The following SLC44A5 variants were observed in gnomAD, a reference collection of about 807,000 sequenced individuals.
The protein encoded by SLC44A5 is solute carrier family 44 member 5, also known as choline transporter-like protein 5.
SLC44A5 carries 57 observed loss-of-function variants against 101.8 expected under a neutral mutation model. The observed-to-expected ratio is 0.56, with a 90% CI of 0.45 to 0.70. SLC44A5 has a LOEUF of 0.70. Ranked by LOEUF, SLC44A5 falls within the 30% of genes least tolerant of loss-of-function variation. The pLI, the probability that SLC44A5 is intolerant of heterozygous loss-of-function variation, is 0.00. For missense variants in SLC44A5, 737 were observed against 853.1 expected, an observed-to-expected ratio of 0.86 and a Z score of 1.70; for synonymous variants, 281 against 290.9, an observed-to-expected ratio of 0.97 and a Z score of 0.35.
chr1:75,644,687 C>T, the SLC44A5 span, among the ~76,000 whole-genome samples: 12 of 151,526 alleles, frequency 7.9e-5, no homozygotes, highest in Non-Finnish European at 1.2e-4. Flanking sequence ...ATGTGCACAA[C>T]GTGCAGGTTT....
At chr1:75,209,636 A>T (rs1446588973) in intron 23 of SLC44A5, among the ~76,000 whole-genome samples, 1 of 152,168 alleles carries the variant, frequency 6.6e-6, no homozygotes, top group Non-Finnish European at 1.5e-5. Flanking sequence ...GGTTATTGAG[A>T]ATTGATTTTA....
intron 2 of SLC44A5, among the ~76,000 whole-genome samples, chr1:75,479,024 A>C (rs1303511602): frequency 1.3e-5 from 2 of 152,262 alleles, no homozygotes; most frequent in Non-Finnish European, 2.9e-5. Context: ...CAGCAAATGT[A>C]AAAGAACAGA....
chr1:75,688,060 A>G, the SLC44A5 span, among the ~76,000 whole-genome samples: 44,256 of 152,104 alleles, frequency 0.29, 6,664 homozygotes, highest in Non-Finnish European at 0.33. Context: ...CTCTCTGACT[A>G]GAGAGCAAAC....
chr1:75,578,152 T>C (rs1673478647), intron 1 of SLC44A5, among the ~76,000 whole-genome samples: 1 of 152,132 alleles, frequency 6.6e-6, no homozygotes, highest in African/African-American at 2.4e-5. Flanking sequence ...AGTTTCTATA[T>C]TTTTCCCAAG....
chr1:75,271,730 C>T lies in SLC44A5; in HGVS notation c.260+3228G>A, dbSNP rs139219795. ...CCACTTGTTGGCTGAGGGGCACTTA[C>T]GTTGGTTCCATATCCTTGCAATTGT... On this transcript the variant is annotated intron_variant, in intron 6 of 23. Transcript: ENST00000370859. Among the ~76,000 whole-genome samples, 88 of 152,044 alleles carry T rather than the reference C, an allele frequency of 5.8e-4. No individual in the cohort carries two copies. In the Middle Eastern group the frequency reaches 0.014, roughly 24 times the overall value.
rs187610177 is a variant in SLC44A5 at position 75,287,038 on chromosome 1, C to A, written c.176-11996G>T. Among the ~76,000 whole-genome samples, 640 of 152,212 alleles carry A rather than the reference C, an allele frequency of 4.2e-3. 2 individuals are homozygous for A. The highest frequency in any genetic ancestry group is 7.4e-3 in the Non-Finnish European group (502 of 67,998). ...TCGATTAGTCCCTCAAATATGTTAT[C>A]CAAACTTTTAGATTTCTCTTCTTCC... On this transcript the variant is annotated intron_variant, in intron 5 of 23. Transcript: ENST00000370859.
intron 22 of SLC44A5, among the ~76,000 whole-genome samples, chr1:75,212,549 T>G (rs1646879696): frequency 6.6e-6 from 1 of 152,174 alleles, no homozygotes; most frequent in Non-Finnish European, 1.5e-5. Flanking sequence ...CTGTATAGTA[T>G]TCCATGGTGT....
At chr1:75,481,435 A>G (rs1285679793) in intron 2 of SLC44A5, among the ~76,000 whole-genome samples, 1 of 152,220 alleles carries the variant, frequency 6.6e-6, no homozygotes, top group African/African-American at 2.4e-5. Context: ...GCTTCTGCAC[A>G]GCAAAAGAAA....
intron 2 of SLC44A5, among the ~76,000 whole-genome samples, chr1:75,471,005 T>G (rs531935666): frequency 2.0e-5 from 3 of 152,216 alleles, no homozygotes; most frequent in South Asian, 2.1e-4. Context: ...TGGGGGTAAA[T>G]GAAAAAGCTA....
At chr1:75,261,992 C>A (rs1650552078) in intron 6 of SLC44A5, among the ~76,000 whole-genome samples, 12 of 151,592 alleles carry the variant, frequency 7.9e-5, no homozygotes, top group Admixed American at 7.9e-4. Context: ...TGGAACGTAT[C>A]TCAAAATAAG....
chr1:75,492,023 T>C (rs1042506558), intron 2 of SLC44A5, among the ~76,000 whole-genome samples: 4 of 152,150 alleles, frequency 2.6e-5, no homozygotes, highest in African/African-American at 7.2e-5. Context: ...TATCCTGAAA[T>C]AGCCTGTGGC....
At chr1:75,229,557 G>A (rs1647368794) in intron 12 of SLC44A5, among the ~76,000 whole-genome samples, 1 of 152,060 alleles carries the variant, frequency 6.6e-6, no homozygotes, top group Admixed American at 6.6e-5. Context: ...TTGCTTCCAA[G>A]TGTTTTCTTA....
intron 5 of SLC44A5, among the ~76,000 whole-genome samples, chr1:75,290,845 C>A (rs1400343069): frequency 1.3e-5 from 2 of 152,186 alleles, no homozygotes; most frequent in African/African-American, 4.8e-5. Flanking sequence ...TTCAGCACTT[C>A]ATTTAAAAAA....
Position 75,234,090 on chromosome 1 carries a change from G to GCTGTTA in SLC44A5, c.748_749insTAACAG (p.Thr250delinsIleThrAla). 1.2e-6 allele frequency: 2 copies of GCTGTTA among 1,612,262 alleles called. No individual in the cohort carries two copies. The highest frequency in any genetic ancestry group is 1.7e-6 in the Non-Finnish European group (2 of 1,178,696). ...TATCCAACTAAGGACCATGGCAATCGTCAGGCCACTAGAAAAAACCCACAA... is the reference window on the plus strand; with the variant it reads ...TATCCAACTAAGGACCATGGCAATCGCTGTTATCAGGCCACTAGAAAAAACCCACAA... On this transcript the variant is annotated protein_altering_variant, in exon 12 of 24. Coordinates refer to ENST00000370859, the MANE Select transcript of SLC44A5 (RefSeq NM_001130058.2).
intron 1 of SLC44A5, among the ~76,000 whole-genome samples, chr1:75,551,159 T>A (rs1400165346): frequency 6.6e-6 from 1 of 152,126 alleles, no homozygotes; most frequent in Non-Finnish European, 1.5e-5. Context: ...CTTCTGCAGA[T>A]GCTTAGCCCA....
At chr1:75,336,459 A>G (rs1048991485) in intron 4 of SLC44A5, among the ~76,000 whole-genome samples, 1 of 152,140 alleles carries the variant, frequency 6.6e-6, no homozygotes, top group Non-Finnish European at 1.5e-5. Context: ...CGGCCAGAAT[A>G]TGATTATTTC....
the SLC44A5 span, among the ~76,000 whole-genome samples, chr1:75,671,331 C>A: frequency 2.0e-5 from 3 of 152,034 alleles, no homozygotes; most frequent in Non-Finnish European, 2.9e-5. Flanking sequence ...AATTAGCTAA[C>A]CATAGGAGGA....
At chr1:75,654,545 A>C in the SLC44A5 span, among the ~76,000 whole-genome samples, 1 of 152,198 alleles carries the variant, frequency 6.6e-6, no homozygotes, top group African/African-American at 2.4e-5. Context: ...AAGGGTCATT[A>C]AGGTACTTTT....
chr1:75,492,276 T>A (rs1668464861), intron 2 of SLC44A5, among the ~76,000 whole-genome samples: 1 of 152,174 alleles, frequency 6.6e-6, no homozygotes, highest in African/African-American at 2.4e-5. Context: ...TAAATTACAA[T>A]AACAGGAAAA....
Sources: gnomAD v4.1 joint callset for allele counts (sites outside exome capture counted in the v4.1 genomes callset) on GRCh38, gnomAD v4.1.1 for gene constraint, MANE v1.5 for transcripts, NCBI Gene and HGNC (gene_info 2026-07-23, HGNC 2026-07-21) for gene names.